RAB3GAP1: variants seen among roughly 807,000 people sequenced by gnomAD.
RAB3GAP1 encodes the protein RAB3 GTPase activating protein catalytic subunit 1.
RAB3GAP1 carries 86 observed loss-of-function variants against 130.7 expected under a neutral mutation model. The ratio of observed to expected loss-of-function variants is 0.66; its 90% CI spans 0.55 to 0.79. RAB3GAP1 has a LOEUF of 0.79. RAB3GAP1 is among the 30% of genes least tolerant of loss of function. The pLI, the probability that RAB3GAP1 is intolerant of heterozygous loss-of-function variation, is 0.00. For missense variants in RAB3GAP1, 1,029 were observed against 1,169.4 expected (o/e 0.88, Z 1.75); for synonymous variants, 367 against 401.7 (o/e 0.91, Z 1.03).
intron 3 of RAB3GAP1, among the ~76,000 whole-genome samples, chr2:135,084,370 A>G (rs1040849778): frequency 9.2e-5 from 14 of 152,182 alleles, no homozygotes; most frequent in African/African-American, 2.2e-4. Flanking sequence ...CCCGTTCTCT[A>G]TATTGTAGCA....
At chr2:135,136,593 G>T in intron 17 of RAB3GAP1, 1 of 460,150 alleles carries the variant, frequency 2.2e-6, no homozygotes, top group Non-Finnish European at 3.5e-6. Flanking sequence ...AAACTGAGCA[G>T]TGAATGCTCA....
intron 3 of RAB3GAP1, among the ~76,000 whole-genome samples, chr2:135,062,909 C>T (rs1057254808): frequency 2.0e-5 from 3 of 152,162 alleles, no homozygotes; most frequent in East Asian, 1.9e-4. Context: ...ACTTATTAAT[C>T]GTGATCATTT....
chr2:135,117,516 TCTTCTG>T (rs1478300413), intron 7 of RAB3GAP1, among the ~76,000 whole-genome samples: 43 of 145,756 alleles, frequency 3.0e-4, no homozygotes, highest in African/African-American at 7.1e-4. Flanking sequence ...TTCTTCTGCT[TCTTCTG>T]CTTCTTCTGC....
intron 3 of RAB3GAP1, among the ~76,000 whole-genome samples, chr2:135,063,511 CT>C (rs1689236236): frequency 6.6e-6 from 1 of 152,162 alleles, no homozygotes; most frequent in Non-Finnish European, 1.5e-5. Context: ...CACTCTTCTA[CT>C]TTCTGTCCAT....
chr2:135,092,164 A>G (rs920163919), intron 4 of RAB3GAP1, among the ~76,000 whole-genome samples: 18 of 152,224 alleles, frequency 1.2e-4, no homozygotes, highest in African/African-American at 4.1e-4. Context: ...AGCAAAAGAA[A>G]ATAATTAAGC....
chr2:135,091,200 T>G (rs1043319632), intron 4 of RAB3GAP1, 70 bp downstream of exon 4: 1 of 1,407,860 alleles, frequency 7.1e-7, no homozygotes, highest in Admixed American at 1.8e-5. Context: ...AATTATTAAT[T>G]TAGTGTTCTT....
chr2:135,133,537 CG>C (rs939366215), intron 14 of RAB3GAP1, among the ~76,000 whole-genome samples: 55 of 152,008 alleles, frequency 3.6e-4, no homozygotes, highest in Non-Finnish European at 5.0e-4. Flanking sequence ...TTTTTTCAGA[CG>C]TGCTCATTTT....
In RAB3GAP1 at chr2:135,080,987, A is replaced by C. The variant is rs111909961; in HGVS notation, c.151-10011A>C. Reference sequence around the variant, plus strand: ...TGTTTTTGTTCAATGATTAGAAACTATTTATTAATCCCAAATTGTCATGAT... The same window carrying C: ...TGTTTTTGTTCAATGATTAGAAACTCTTTATTAATCCCAAATTGTCATGAT... On this transcript the variant is annotated intron_variant, in intron 3 of 23. Transcript: ENST00000264158. 7.2e-5 allele frequency among the ~76,000 whole-genome samples: 11 copies of C among 152,276 alleles called. No homozygotes were observed. The East Asian group carries it at 1.9e-3, about 27-fold the overall frequency.
chr2:135,138,281 CAAAAAAA>C (rs755492320), intron 17 of RAB3GAP1, among the ~76,000 whole-genome samples: 8 of 107,506 alleles, frequency 7.4e-5, no homozygotes, highest in Non-Finnish European at 1.0e-4. Context: ...CTATTTCTAC[CAAAAAAA>C]AAAAAAAAAA....
intron 12 of RAB3GAP1, 80 bp downstream of exon 12, chr2:135,130,167 T>G (rs1434962007): frequency 8.6e-7 from 1 of 1,161,344 alleles, no homozygotes; most frequent in African/African-American, 1.5e-5. Flanking sequence ...ACTTTTCATC[T>G]GTTTTCTCAT....
At chr2:135,092,270 C>T (rs1690164415) in intron 4 of RAB3GAP1, among the ~76,000 whole-genome samples, 1 of 152,124 alleles carries the variant, frequency 6.6e-6, no homozygotes, top group Non-Finnish European at 1.5e-5. Context: ...GTTCAACGTT[C>T]TGCCAATTAA....
At chr2:135,119,197 CTCCCG>C (rs1691121544) in intron 7 of RAB3GAP1, among the ~76,000 whole-genome samples, 1 of 151,780 alleles carries the variant, frequency 6.6e-6, no homozygotes, top group African/African-American at 2.4e-5. Flanking sequence ...CAACCTCTGC[CTCCCG>C]GGATCAAGCG....
chr2:135,089,680 C>A (rs1690088013), intron 3 of RAB3GAP1: 1 of 183,028 alleles, frequency 5.5e-6, no homozygotes, highest in South Asian at 7.9e-5. Context: ...GACTTGAAAC[C>A]AACCCAAATG....
Position 135,169,085 on chromosome 2 carries a change from G to C in RAB3GAP1, c.*304G>C. 1 of 450,332 alleles carries C rather than the reference G, an allele frequency of 2.2e-6. No individual in the cohort carries two copies. The highest frequency in any genetic ancestry group is 4.6e-5 in the East Asian group (1 of 21,858). The allele number at this position is 450,332 out of a possible 1,614,324, so 27.9% of individuals were successfully genotyped here. A position where few individuals can be genotyped will look rare whatever the true frequency, so the allele number is the denominator to read the frequency against. On this transcript the variant is annotated 3_prime_UTR_variant, in exon 24 of 24. Coordinates refer to ENST00000264158, the MANE Select transcript of RAB3GAP1 (RefSeq NM_012233.3). Reference sequence around the variant, plus strand: ...ACTCCGTCCTCACACTGGCAGGACGGTGTTCATCGCATTCTCTTCTGTGAC... The same window carrying C: ...ACTCCGTCCTCACACTGGCAGGACGCTGTTCATCGCATTCTCTTCTGTGAC...
At chr2:135,094,173 A>C (rs1690226026) in intron 5 of RAB3GAP1, among the ~76,000 whole-genome samples, 1 of 151,912 alleles carries the variant, frequency 6.6e-6, no homozygotes, top group Non-Finnish European at 1.5e-5. Flanking sequence ...AATGGTGAGA[A>C]CCCTCCCCAA....
At chr2:135,053,316 T>A (rs1371423331) in intron 2 of RAB3GAP1, among the ~76,000 whole-genome samples, 1 of 152,264 alleles carries the variant, frequency 6.6e-6, no homozygotes, top group East Asian at 1.9e-4. Context: ...TGGAATGCTT[T>A]GATTTAAGTT....
intron 5 of RAB3GAP1, among the ~76,000 whole-genome samples, chr2:135,106,359 G>A (rs192472326): frequency 6.6e-6 from 1 of 152,244 alleles, no homozygotes; most frequent in Non-Finnish European, 1.5e-5. Context: ...GATTGTTGCT[G>A]TGTCTGTGTA....
At chr2:135,144,945 A>G (rs1462374396) in intron 17 of RAB3GAP1, among the ~76,000 whole-genome samples, 1 of 152,224 alleles carries the variant, frequency 6.6e-6, no homozygotes, top group Non-Finnish European at 1.5e-5. Flanking sequence ...TTGATGAAAT[A>G]AAGTTATTAT....
At position 135,153,670 on chromosome 2, in the gene RAB3GAP1, C is replaced by T; in HGVS notation, c.2083C>T (p.Leu695=). ...SFKAANPGCS[L]EDFVRWYSPR... ...TTAGGCAGCTAATCCAGGTTGCTCC[C>T]TGGAAGATTTTGTGAGGTGGTATTC... Residue 695 remains leucine (L), a synonymous_variant, in exon 19 of 24, where the codon CTG becomes TTG. Coordinates refer to ENST00000264158, the MANE Select transcript of RAB3GAP1 (RefSeq NM_012233.3). 1 of 1,613,864 alleles carries T rather than the reference C, an allele frequency of 6.2e-7. No individual in the cohort carries two copies.
Sources: gnomAD v4.1 joint callset for allele counts (sites outside exome capture counted in the v4.1 genomes callset) on GRCh38, gnomAD v4.1.1 for gene constraint, MANE v1.5 for transcripts, NCBI Gene and HGNC (gene_info 2026-07-23, HGNC 2026-07-21) for gene names.